The following CWC27 variants were observed in gnomAD, a reference collection of about 807,000 sequenced individuals.
CWC27 encodes spliceosome-associated protein CWC27 homolog.
Under a neutral mutation model 63.6 loss-of-function variants are expected in CWC27, and 47 were observed. The ratio of observed to expected loss-of-function variants is 0.74; its 90% confidence interval spans 0.58 to 0.94. CWC27 has a LOEUF of 0.94. Among genes scored for constraint, CWC27 ranks in the 40% least tolerant of loss-of-function variants. The pLI is 0.00. For synonymous variants in CWC27, 175 were observed against 179.8 expected (o/e 0.97, Z 0.22); for missense variants, 495 against 554.3 (o/e 0.89, Z 1.07).
chr5:64,879,589 G>T (rs939039938), intron 10 of CWC27, among the ~76,000 whole-genome samples: 3 of 151,906 alleles, frequency 2.0e-5, no homozygotes, highest in Admixed American at 6.6e-5. Flanking sequence ...GGGGCAAAGT[G>T]GGGTAAGATG....
At chr5:65,011,488 G>T (rs745396936) in intron 13 of CWC27, among the ~76,000 whole-genome samples, 2 of 152,180 alleles carry the variant, frequency 1.3e-5, no homozygotes, top group Non-Finnish European at 2.9e-5. Flanking sequence ...CGAGGAAGAA[G>T]GAGAGTGCAG....
chr5:64,981,755 C>T (rs1749334430), intron 13 of CWC27, among the ~76,000 whole-genome samples: 1 of 152,104 alleles, frequency 6.6e-6, no homozygotes, highest in South Asian at 2.1e-4. Flanking sequence ...AATGCTTTGC[C>T]TTCTTAAATT....
intron 10 of CWC27, among the ~76,000 whole-genome samples, chr5:64,856,456 A>ATGTG (rs1173054801): frequency 1.8e-4 from 24 of 132,144 alleles, no homozygotes; most frequent in Non-Finnish European, 2.5e-4. Context: ...AACTTAGTGT[A>ATGTG]TGTGTGTGTG....
At chr5:64,976,807 G>A (rs1749235371) in intron 12 of CWC27, among the ~76,000 whole-genome samples, 1 of 152,150 alleles carries the variant, frequency 6.6e-6, no homozygotes, top group Non-Finnish European at 1.5e-5. Flanking sequence ...CTCCCAGAGT[G>A]CTGGGACATG....
intron 11 of CWC27, among the ~76,000 whole-genome samples, chr5:64,928,356 A>G (rs572950673): frequency 2.0e-5 from 3 of 152,306 alleles, no homozygotes; most frequent in African/African-American, 7.2e-5. Context: ...TTAAGTATAC[A>G]ATATAATGTT....
intron 11 of CWC27, among the ~76,000 whole-genome samples, chr5:64,900,935 G>T (rs941003251): frequency 2.6e-5 from 4 of 152,042 alleles, no homozygotes; most frequent in African/African-American, 9.7e-5. Flanking sequence ...GCCCAGGACA[G>T]CTCTGAATGT....
chr5:64,911,496 A>G (rs922176534), intron 11 of CWC27, among the ~76,000 whole-genome samples: 1 of 152,224 alleles, frequency 6.6e-6, no homozygotes, highest in African/African-American at 2.4e-5. Flanking sequence ...ATAAATCTCT[A>G]TAAGACTTTA....
At chr5:65,015,213 AG>A (rs1006563459) in intron 13 of CWC27, among the ~76,000 whole-genome samples, 4 of 152,332 alleles carry the variant, frequency 2.6e-5, no homozygotes, top group African/African-American at 9.6e-5. Flanking sequence ...GAAAGGAAAA[AG>A]GTGCCTTTTT....
At position 64,808,244 on chromosome 5, in the gene CWC27, T is replaced by C. The variant is rs59353980; in HGVS notation, c.938+3858T>C. 1.1e-3 allele frequency: 1,148 copies of C among 999,364 alleles called. 8 individuals are homozygous for C. The African/African-American group carries it at 0.018, about 15-fold the overall frequency. The allele number at this position is 999,364 out of a possible 1,614,324, so 61.9% of individuals were successfully genotyped here. On this transcript the variant is annotated intron_variant, in intron 10 of 13. Coordinates refer to ENST00000381070, the MANE Select transcript of CWC27 (RefSeq NM_005869.4). ...TGCATTAGTTTGAGAAGCAGTCCTG[T>C]AGAATATTAATTTTTATCCCTACTG...
At chr5:64,791,526 C>G (rs1192721681) in intron 7 of CWC27, among the ~76,000 whole-genome samples, 1 of 151,790 alleles carries the variant, frequency 6.6e-6, no homozygotes, top group East Asian at 1.9e-4. Context: ...AATCTTTTCT[C>G]TCTGCCAAGA....
intron 11 of CWC27, among the ~76,000 whole-genome samples, chr5:64,902,138 CAT>C (rs1217015043): frequency 2.0e-5 from 3 of 152,114 alleles, no homozygotes; most frequent in Non-Finnish European, 4.4e-5. Flanking sequence ...GGATAATAAA[CAT>C]ATAGTCATTT....
At chr5:64,936,969 G>A (rs1236215783) in intron 11 of CWC27, among the ~76,000 whole-genome samples, 1 of 151,998 alleles carries the variant, frequency 6.6e-6, no homozygotes, top group Non-Finnish European at 1.5e-5. Context: ...TTTTTATTGT[G>A]TCTATTTGAT....
intron 11 of CWC27, among the ~76,000 whole-genome samples, chr5:64,936,677 C>G (rs191204021): frequency 6.6e-6 from 1 of 152,262 alleles, no homozygotes; most frequent in East Asian, 1.9e-4. Context: ...AGGAATGGTA[C>G]CACCTCGTCT....
intron 10 of CWC27, among the ~76,000 whole-genome samples, chr5:64,864,045 A>G (rs1231004013): frequency 6.6e-6 from 1 of 152,150 alleles, no homozygotes; most frequent in Non-Finnish European, 1.5e-5. Context: ...TTATTTTGAG[A>G]TATGCTTCCT....
intron 11 of CWC27, among the ~76,000 whole-genome samples, chr5:64,902,281 C>T (rs1747527173): frequency 2.0e-5 from 3 of 152,144 alleles, no homozygotes; most frequent in Admixed American, 2.0e-4. Flanking sequence ...ACGAAATTAT[C>T]ATGGCTACAG....
At chr5:64,967,748 G>A (rs1164759130) in intron 11 of CWC27, among the ~76,000 whole-genome samples, 3 of 151,650 alleles carry the variant, frequency 2.0e-5, no homozygotes, top group Admixed American at 6.6e-5. Flanking sequence ...CTTACCTTAC[G>A]CCATATATAA....
At chr5:64,915,835 C>T (rs1347518707) in intron 11 of CWC27, among the ~76,000 whole-genome samples, 1 of 152,072 alleles carries the variant, frequency 6.6e-6, no homozygotes, top group Non-Finnish European at 1.5e-5. Context: ...ACTATTTTTC[C>T]ATTTTACAAA....
intron 10 of CWC27, among the ~76,000 whole-genome samples, chr5:64,833,173 C>A (rs1439113889): frequency 6.6e-6 from 1 of 151,774 alleles, no homozygotes; most frequent in Non-Finnish European, 1.5e-5. Flanking sequence ...ACATACCCCC[C>A]CACACAGATT....
intron 10 of CWC27, among the ~76,000 whole-genome samples, chr5:64,869,516 A>G (rs13179557): frequency 0.94 from 143,267 of 152,046 alleles, 67,571 homozygotes; most frequent in East Asian, 0.99. Context: ...CCCACAGAGA[A>G]GTTAAGTCTA....
Sources: gnomAD v4.1 joint callset for allele counts (sites outside exome capture counted in the v4.1 genomes callset) on GRCh38, gnomAD v4.1.1 for gene constraint, MANE v1.5 for transcripts, NCBI Gene and HGNC (gene_info 2026-07-23, HGNC 2026-07-21) for gene names.